The following MAML3 variants were observed in gnomAD, a reference collection of about 807,000 sequenced individuals.
The protein encoded by MAML3 is mastermind like transcriptional coactivator 3.
MAML3 carries 27 observed loss-of-function variants against 101.9 expected under a neutral mutation model. That is an observed-to-expected ratio of 0.27 (90% CI 0.20 to 0.37). The LOEUF is 0.37. Ranked by LOEUF, MAML3 falls within the 10% of genes least tolerant of loss-of-function variation. The pLI, the probability that MAML3 is intolerant of heterozygous loss-of-function variation, is 1.00. For missense variants in MAML3, 1,316 were observed against 1,444.9 expected, an observed-to-expected ratio of 0.91 and a Z score of 1.45; for synonymous variants, 501 against 555.9, an observed-to-expected ratio of 0.90 and a Z score of 1.39.
chr4:139,720,312 C>T lies in MAML3; in HGVS notation c.2428G>A (p.Asp810Asn), dbSNP rs535535121. The T allele has an allele frequency of 2.0e-6, 3 of 1,534,562 alleles. No homozygotes were observed. Among genetic ancestry groups the T allele is most frequent in the Non-Finnish European group, 1.8e-6 (2 of 1,139,722 alleles). Residue 810 changes from aspartate to asparagine, a missense_variant, in exon 5 of 5, where the codon GAT becomes AAT. Transcript: ENST00000509479. ...QVNQFQGSPQ[D>N]IAAVRSQAAL... ...GCTTGGCTTCTTACGGCTGCTATATCCTGGGGAGAACCTGCAGTGAAAAAG... is the reference window on the plus strand; with the variant it reads ...GCTTGGCTTCTTACGGCTGCTATATTCTGGGGAGAACCTGCAGTGAAAAAG...
chr4:139,766,236 A>C (rs570686201), intron 2 of MAML3, among the ~76,000 whole-genome samples: 1 of 151,950 alleles, frequency 6.6e-6, no homozygotes, highest in Non-Finnish European at 1.5e-5. Flanking sequence ...CAGTGGCATG[A>C]TCTCGGCTTA....
chr4:139,968,496 G>T (rs1191297154), intron 1 of MAML3, among the ~76,000 whole-genome samples: 2 of 152,008 alleles, frequency 1.3e-5, no homozygotes, highest in Non-Finnish European at 2.9e-5. Context: ...ATGACCCTTG[G>T]CAAGTCAGCA....
intron 1 of MAML3, among the ~76,000 whole-genome samples, chr4:140,092,694 C>T (rs1466681760): frequency 6.6e-6 from 1 of 152,188 alleles, no homozygotes; most frequent in Admixed American, 6.5e-5. Context: ...GGGAGGAGAG[C>T]CGACTGGCTT....
intron 2 of MAML3, among the ~76,000 whole-genome samples, chr4:139,813,322 G>A (rs982157952): frequency 5.9e-5 from 9 of 152,130 alleles, no homozygotes; most frequent in African/African-American, 2.2e-4. Context: ...TGAACTTTCA[G>A]GTTGAAAGGC....
At chr4:139,871,611 C>T (rs1732008381) in intron 2 of MAML3, among the ~76,000 whole-genome samples, 1 of 152,188 alleles carries the variant, frequency 6.6e-6, no homozygotes, top group African/African-American at 2.4e-5. Context: ...CAATGACTAC[C>T]CATTGCTTCT....
intron 1 of MAML3, among the ~76,000 whole-genome samples, chr4:140,031,201 G>A (rs759326843): frequency 5.9e-5 from 9 of 152,000 alleles, no homozygotes; most frequent in African/African-American, 9.7e-5. Flanking sequence ...CAAAGAAAAC[G>A]CCATCATTAT....
chr4:140,026,858 T>C lies in MAML3; in HGVS notation c.468+126002A>G, dbSNP rs371265939. On this transcript the variant is annotated intron_variant, in intron 1 of 4. Transcript: ENST00000509479. ...CCTGTTAAGTACAGACAGTAAAGTT[T>C]TGTAAATTTTCCCCTACTATTGAAC... Among the ~76,000 whole-genome samples the C allele has an allele frequency of 3.3e-5, 5 of 152,280 alleles. No homozygotes were observed. The East Asian group carries it at 9.6e-4, about 29-fold the overall frequency.
intron 2 of MAML3, among the ~76,000 whole-genome samples, chr4:139,778,411 A>C (rs1274607585): frequency 6.6e-6 from 1 of 152,124 alleles, no homozygotes; most frequent in East Asian, 1.9e-4. Context: ...ATTTTAGGGG[A>C]GTTTCTCTGA....
At chr4:139,779,041 A>AGCCTACTTTGCCTTTACG (rs1560791791) in intron 2 of MAML3, among the ~76,000 whole-genome samples, 1 of 151,582 alleles carries the variant, frequency 6.6e-6, no homozygotes, top group African/African-American at 2.4e-5. Context: ...CTGCCTTTAC[A>AGCCTACTTTGCCTTTACG]CAGCCTACTT....
chr4:140,115,965 T>C (rs1057346746), intron 1 of MAML3, among the ~76,000 whole-genome samples: 1 of 152,136 alleles, frequency 6.6e-6, no homozygotes. Flanking sequence ...TAATAGAAAA[T>C]TGGAATTACT....
At chr4:140,136,215 T>A (rs567482252) in intron 1 of MAML3, among the ~76,000 whole-genome samples, 2 of 152,276 alleles carry the variant, frequency 1.3e-5, no homozygotes, top group Admixed American at 1.3e-4. Context: ...TGCTGAGAGG[T>A]GGCAGGAGCC....
At chr4:139,831,065 A>G (rs1329993687) in intron 2 of MAML3, among the ~76,000 whole-genome samples, 1 of 152,212 alleles carries the variant, frequency 6.6e-6, no homozygotes, top group Non-Finnish European at 1.5e-5. Context: ...ATTTGTATCA[A>G]TGACACAATC....
intron 1 of MAML3, among the ~76,000 whole-genome samples, chr4:140,125,566 AACTG>A (rs1728670047): frequency 6.6e-6 from 1 of 152,202 alleles, no homozygotes; most frequent in Admixed American, 6.5e-5. Context: ...GCACAAGGCA[AACTG>A]ACTGACCACA....
intron 2 of MAML3, among the ~76,000 whole-genome samples, chr4:139,808,835 G>A (rs1234579073): frequency 6.6e-6 from 1 of 152,156 alleles, no homozygotes; most frequent in African/African-American, 2.4e-5. Flanking sequence ...ACCCCAGTGT[G>A]AGCAACTCCT....
chr4:140,032,159 A>G (rs1177853229), intron 1 of MAML3, among the ~76,000 whole-genome samples: 1 of 152,226 alleles, frequency 6.6e-6, no homozygotes, highest in Admixed American at 6.5e-5. Flanking sequence ...GTATCCATGT[A>G]GATTTAGATT....
chr4:139,882,668 G>T (rs1732243442), intron 2 of MAML3, among the ~76,000 whole-genome samples: 1 of 152,108 alleles, frequency 6.6e-6, no homozygotes, highest in Non-Finnish European at 1.5e-5. Context: ...GGCCAATATG[G>T]TGAAATTCTA....
At chr4:139,865,594 C>A (rs1325470779) in intron 2 of MAML3, among the ~76,000 whole-genome samples, 2 of 148,704 alleles carry the variant, frequency 1.3e-5, no homozygotes, top group Non-Finnish European at 3.0e-5. Context: ...CCCTTCTTTT[C>A]ATCAGCCTCT....
chr4:139,800,114 G>C (rs1460558422), intron 2 of MAML3, among the ~76,000 whole-genome samples: 1 of 151,996 alleles, frequency 6.6e-6, no homozygotes, highest in Non-Finnish European at 1.5e-5. Context: ...TCAGTAAAAA[G>C]CAGAATCAGA....
chr4:139,785,613 C>T lies in MAML3; in HGVS notation c.2080-54946G>A, dbSNP rs1282211556. 2.0e-5 allele frequency among the ~76,000 whole-genome samples: 3 copies of T among 152,196 alleles called. No homozygotes were observed. The highest frequency in any genetic ancestry group is 4.4e-5 in the Non-Finnish European group (3 of 68,044). On this transcript the variant is annotated intron_variant, in intron 2 of 4. Transcript: ENST00000509479. The surrounding 1 kb of genome is among the most constrained non-coding windows in gnomAD (Gnocchi z 4.3). ...CACCCAGCACGAACAATATGGCTCCCCAGCGCCTGGGGCACTGCATGGAGA... is the reference window on the plus strand; with the variant it reads ...CACCCAGCACGAACAATATGGCTCCTCAGCGCCTGGGGCACTGCATGGAGA...
Sources: allele counts gnomAD v4.1 joint callset (sites outside exome capture counted in the v4.1 genomes callset), GRCh38; gene constraint gnomAD v4.1.1; non-coding constraint Gnocchi (gnomAD v3.1); transcripts MANE v1.5; gene names NCBI Gene and HGNC (gene_info 2026-07-23, HGNC 2026-07-21).